SLAMF9: variants seen among roughly 807,000 people sequenced by gnomAD.
SLAMF9 encodes SLAM family member 9.
A neutral mutation model predicts 30.4 loss-of-function variants in SLAMF9; 25 were observed. The observed-to-expected ratio is 0.82, with a 90% CI of 0.60 to 1.15. The LOEUF (loss-of-function observed/expected upper bound fraction) is 1.15. SLAMF9 is among the 50% of genes most tolerant of loss of function. The probability of loss-of-function intolerance (pLI) is 0.00; values close to 1 mark genes in which losing one functional copy is unlikely to be tolerated. For missense variants in SLAMF9, 344 were observed against 346.1 expected (o/e 0.99, Z 0.05); for synonymous variants, 129 against 127.2 (o/e 1.01, Z -0.09).
the SLAMF9 span, among the ~76,000 whole-genome samples, chr1:159,971,520 C>T: frequency 4.8e-4 from 73 of 152,244 alleles, no homozygotes; most frequent in African/African-American, 9.6e-4. Context: ...TGCTCATAGC[C>T]GTTGAGCCCC....
rs773589006 is a variant in SLAMF9, at chr1:159,953,325, G to A, written c.375C>T (p.Tyr125=). 2 of 1,605,908 alleles carry A rather than the reference G, an allele frequency of 1.2e-6. No homozygotes were observed. Among genetic ancestry groups the A allele is most frequent in the African/African-American group, 2.7e-5 (2 of 74,756 alleles). Residue 125 remains tyrosine, a synonymous_variant, in exon 2 of 4, where the codon TAC becomes TAT. Transcript: ENST00000368093. ...RTSQISTMQQ[Y]NICVYRWLSE... Reference sequence around the variant, plus strand: ...TAAACTCACGGTAGACACATATATTGTACTGCTGCATGGTAGAGATCTGGG... The same window carrying A: ...TAAACTCACGGTAGACACATATATTATACTGCTGCATGGTAGAGATCTGGG...
the SLAMF9 span, among the ~76,000 whole-genome samples, chr1:159,975,062 A>G: frequency 6.6e-6 from 1 of 152,300 alleles, no homozygotes; most frequent in African/African-American, 2.4e-5. Context: ...AGTAACATAG[A>G]TAACTCCCTG....
At chr1:159,951,958 T>C in intron 3 of SLAMF9, 92 bp from the exon 4 acceptor site, 1 of 1,081,296 alleles carries the variant, frequency 9.2e-7, no homozygotes, top group South Asian at 1.4e-5. Context: ...TGAAGGGGTC[T>C]CAAGTTCACA....
chr1:159,953,577 G>A lies in SLAMF9; in HGVS notation c.123C>T (p.Pro41=). Residue 41 remains proline, a synonymous_variant, in exon 2 of 4, where the codon CCC becomes CCT. Transcript: ENST00000368093. ...CCTCTTCATCTGGTGGTATTTCCAG[G>A]GGGAGGCTGATGGACTCCTGAAGGA... ...VAVLQESISL[P]LEIPPDEEVE... is the part of the protein sequence containing the mutation. 6.2e-7 allele frequency: 1 copy of A among 1,614,110 alleles called. No individual in the cohort carries two copies. Among genetic ancestry groups the A allele is most frequent in the Non-Finnish European group, 8.5e-7 (1 of 1,179,956 alleles).
the SLAMF9 span, among the ~76,000 whole-genome samples, chr1:159,980,340 C>T: frequency 6.6e-6 from 1 of 152,128 alleles, no homozygotes; most frequent in Non-Finnish European, 1.5e-5. Flanking sequence ...CATCCCCCGA[C>T]GCCCTCCACC....
chr1:159,960,859 C>T, the SLAMF9 span, among the ~76,000 whole-genome samples: 121 of 152,260 alleles, frequency 7.9e-4, no homozygotes, highest in Non-Finnish European at 1.2e-3. Context: ...GGTGAGTAAA[C>T]GTGGATAAAT....
At chr1:159,972,384 G>A in the SLAMF9 span, among the ~76,000 whole-genome samples, 7 of 152,162 alleles carry the variant, frequency 4.6e-5, no homozygotes, top group Non-Finnish European at 8.8e-5. Context: ...CACTGCTTGG[G>A]CCCTGTTGCC....
the SLAMF9 span, among the ~76,000 whole-genome samples, chr1:159,963,487 C>T: frequency 6.6e-6 from 1 of 152,176 alleles, no homozygotes; most frequent in Non-Finnish European, 1.5e-5. Flanking sequence ...CAGCCTGTTA[C>T]ATATGAAGAG....
chr1:159,964,326 T>C, the SLAMF9 span, among the ~76,000 whole-genome samples: 1 of 152,038 alleles, frequency 6.6e-6, no homozygotes, highest in Non-Finnish European at 1.5e-5. Context: ...GAAACAACAC[T>C]CTGCTTCATT....
the SLAMF9 span, among the ~76,000 whole-genome samples, chr1:159,969,656 T>C: frequency 7.9e-5 from 12 of 152,204 alleles, no homozygotes; most frequent in East Asian, 2.3e-3. Context: ...TTCACCTAGT[T>C]ACATATTAGG....
At chr1:159,957,846 A>T (rs189295379), upstream of SLAMF9, among the ~76,000 whole-genome samples, 1 of 140,950 alleles carries the variant, frequency 7.1e-6, no homozygotes, top group Non-Finnish European at 1.5e-5. Context: ...GGTCATGAGT[A>T]TAATGCTCAG....
rs755738878 is a variant in SLAMF9, at chr1:159,951,647, T to C, written c.*14A>G. The stretch of plus-strand genomic sequence containing the variant: ...GAAGAAACCAAGCTCAGGACTGGGG[T>C]TCCCAAGGAGCAGTCAGGCAGGGCT... On this transcript the variant is annotated 3_prime_UTR_variant, in exon 4 of 4. Coordinates refer to ENST00000368093, the MANE Select transcript of SLAMF9 (RefSeq NM_033438.4). 6.2e-7 allele frequency: 1 copy of C among 1,612,764 alleles called. No individual in the cohort carries two copies. Among genetic ancestry groups the C allele is most frequent in the Non-Finnish European group, 8.5e-7 (1 of 1,179,554 alleles).
chr1:159,969,934 C>T, the SLAMF9 span, among the ~76,000 whole-genome samples: 36 of 152,106 alleles, frequency 2.4e-4, 1 homozygote, highest in South Asian at 7.5e-3. Flanking sequence ...TCTGTAGTCC[C>T]AGCTACTCAG....
chr1:159,956,002 T>G (rs1305225886), upstream of SLAMF9, among the ~76,000 whole-genome samples: 1 of 152,234 alleles, frequency 6.6e-6, no homozygotes, highest in African/African-American at 2.4e-5. Flanking sequence ...CACTGTTGGG[T>G]ATACATCCAA....
the SLAMF9 span, among the ~76,000 whole-genome samples, chr1:159,966,216 T>C: frequency 1.3e-5 from 2 of 152,248 alleles, no homozygotes; most frequent in African/African-American, 4.8e-5. Context: ...TTTACCTTTC[T>C]GTGCCTGGCT....
chr1:159,970,205 C>G, the SLAMF9 span, among the ~76,000 whole-genome samples: 1 of 152,162 alleles, frequency 6.6e-6, no homozygotes, highest in Non-Finnish European at 1.5e-5. Context: ...CTTTCTGCCT[C>G]CATTGAGAAT....
chr1:159,952,157 G>A (rs1268649087), intron 3 of SLAMF9, 105 bp downstream of exon 3: 2 of 1,354,886 alleles, frequency 1.5e-6, no homozygotes, highest in East Asian at 2.3e-5. Context: ...GAGGGGGTTA[G>A]CTTCTGAATT....
At chr1:159,978,504 T>C in the SLAMF9 span, 1 of 152,220 alleles carries the variant, frequency 6.6e-6, no homozygotes, top group Admixed American at 6.5e-5. Context: ...GGCCAGCAGC[T>C]AAGAAGGGAG....
chr1:159,981,098 C>T, the SLAMF9 span, among the ~76,000 whole-genome samples: 1 of 152,082 alleles, frequency 6.6e-6, no homozygotes, highest in Non-Finnish European at 1.5e-5. Flanking sequence ...CCCCGTATCT[C>T]GGAATGTGAT....
Sources: gnomAD v4.1 joint callset for allele counts (sites outside exome capture counted in the v4.1 genomes callset) on GRCh38, gnomAD v4.1.1 for gene constraint, MANE v1.5 for transcripts, NCBI Gene and HGNC (gene_info 2026-07-23, HGNC 2026-07-21) for gene names.